Variants in QSOX1 observed in about 807,000 individuals in gnomAD.
The protein encoded by QSOX1 is quiescin sulfhydryl oxidase 1.
A neutral mutation model predicts 76.1 loss-of-function variants in QSOX1; 40 were observed. That is an observed-to-expected ratio of 0.53 (90% CI 0.41 to 0.68). The LOEUF is 0.68. QSOX1 is among the 30% of genes least tolerant of loss of function. QSOX1 has a pLI of 0.00. For synonymous variants in QSOX1, 392 were observed against 413.1 expected, an observed-to-expected ratio of 0.95 and a Z score of 0.62; for missense variants, 931 against 974.3, an observed-to-expected ratio of 0.96 and a Z score of 0.59.
rs1239572221 is a variant in QSOX1, at chr1:180,203,394, A to G, written c.*6357A>G. The G allele has an allele frequency of 2.0e-5, 3 of 152,238 alleles. No individual in the cohort carries two copies. 9.4% of individuals were successfully genotyped at this position (152,238 alleles called of 1,614,324 possible). A position where few individuals can be genotyped will look rare whatever the true frequency, so the allele number is the denominator to read the frequency against. On this transcript the variant is annotated 3_prime_UTR_variant, in exon 12 of 12. Coordinates refer to ENST00000367602, the MANE Select transcript of QSOX1 (RefSeq NM_002826.5). ...TCAGGGCTTGGACTAGAGCAAGGCA[A>G]GTGAGGTGCCAGGATGCAAAAGTTA...
intron 5 of QSOX1, among the ~76,000 whole-genome samples, chr1:180,179,757 T>C (rs1662984792): frequency 6.6e-6 from 1 of 152,204 alleles, no homozygotes; most frequent in Non-Finnish European, 1.5e-5. Flanking sequence ...ATTTTCCTGC[T>C]GAAACTCAAC....
intron 11 of QSOX1, among the ~76,000 whole-genome samples, chr1:180,194,995 C>CTGG (rs772916868): frequency 3.8e-5 from 5 of 133,164 alleles, no homozygotes; most frequent in South Asian, 2.8e-4. Flanking sequence ...TGACAGCCTC[C>CTGG]CGGGGGGGGG....
At chr1:180,189,818 A>T in intron 9 of QSOX1, 144 bp downstream of exon 9, 5 of 866,822 alleles carry the variant, frequency 5.8e-6, no homozygotes, top group Non-Finnish European at 8.5e-6. Context: ...TAATCAATAA[A>T]TGACTATTGA....
chr1:180,163,133 CAA>C (rs35476222), intron 1 of QSOX1, among the ~76,000 whole-genome samples: 2 of 140,240 alleles, frequency 1.4e-5, no homozygotes, highest in African/African-American at 2.6e-5. Flanking sequence ...TAAGGCTCAT[CAA>C]AAAAAAAAAA....
chr1:180,186,501 C>G (rs1178468450), intron 8 of QSOX1, among the ~76,000 whole-genome samples: 1 of 152,232 alleles, frequency 6.6e-6, no homozygotes, highest in African/African-American at 2.4e-5. Flanking sequence ...TCAGTCAGAG[C>G]CCCAGTGTGG....
chr1:180,188,411 G>C (rs144915406), intron 8 of QSOX1, among the ~76,000 whole-genome samples: 30 of 152,362 alleles, frequency 2.0e-4, no homozygotes, highest in African/African-American at 7.0e-4. Flanking sequence ...CAGTTGTCCA[G>C]AGCTCCTTAA....
intron 5 of QSOX1, 21 bp from the exon 6 acceptor site, chr1:180,182,153 G>C (rs752154641): frequency 1.2e-6 from 2 of 1,612,942 alleles, no homozygotes; most frequent in Admixed American, 3.3e-5. Flanking sequence ...CTGGCCCCCA[G>C]ATGTTCTGCT....
At chr1:180,155,980 A>G (rs1453704137) in intron 1 of QSOX1, among the ~76,000 whole-genome samples, 1 of 152,208 alleles carries the variant, frequency 6.6e-6, no homozygotes. Flanking sequence ...CACACTGTTC[A>G]TTTTATGACA....
chr1:180,192,432 G>GC (rs1447592333), intron 10 of QSOX1, among the ~76,000 whole-genome samples: 1 of 152,246 alleles, frequency 6.6e-6, no homozygotes, highest in African/African-American at 2.4e-5. Context: ...TGCAGGCAGG[G>GC]GGAGGCAGGG....
At chr1:180,173,752 G>A (rs761425842) in intron 2 of QSOX1, among the ~76,000 whole-genome samples, 1 of 152,190 alleles carries the variant, frequency 6.6e-6, no homozygotes, top group Non-Finnish European at 1.5e-5. Context: ...AAGGAGGGAA[G>A]GGGATGCTGG....
At chr1:180,155,514 C>T (rs564238477) in intron 1 of QSOX1, among the ~76,000 whole-genome samples, 1 of 152,306 alleles carries the variant, frequency 6.6e-6, no homozygotes, top group African/African-American at 2.4e-5. Flanking sequence ...GGTCCGCTGA[C>T]ACCTTACCGT....
chr1:180,161,534 G>A (rs1370159948), intron 1 of QSOX1, among the ~76,000 whole-genome samples: 3 of 152,176 alleles, frequency 2.0e-5, no homozygotes, highest in African/African-American at 7.2e-5. Context: ...GCAAATAACA[G>A]TATTGCCATA....
rs1234497818 is a variant in QSOX1, at chr1:180,154,996, C to T, written c.89C>T (p.Ala30Val). 1.3e-6 allele frequency: 2 copies of T among 1,510,084 alleles called. No individual in the cohort carries two copies. The highest frequency in any genetic ancestry group is 2.0e-5 in the Admixed American group (1 of 48,786). 93.5% of individuals were successfully genotyped at this position (1,510,084 alleles called of 1,614,324 possible). The change falls in exon 1 of 12, where the codon GCC becomes GTC. Residue 30 changes from alanine to valine, a missense_variant. Transcript: ENST00000367602. ...CTCGCGGTTCCCGGCGCTAACGCGG[C>T]CCCGCGGTCGGCGCTCTATTCGCCT... is the stretch of plus-strand genomic sequence containing the variant. Reference protein sequence around the residue: ...WLLAVPGANAAPRSALYSPSD... With the variant: ...WLLAVPGANAVPRSALYSPSD...
Position 180,194,997 on chromosome 1 carries a change from G to GC in QSOX1, c.1468+605_1468+606insC, listed in dbSNP as rs1553275525. Among the ~76,000 whole-genome samples, 11 of 137,810 alleles carry GC rather than the reference G, an allele frequency of 8.0e-5. No homozygotes were observed. The East Asian group carries it at 9.1e-4, about 11-fold the overall frequency. The allele number at this position is 137,810 out of a possible 152,430, so 90.4% of individuals were successfully genotyped here. A position where few individuals can be genotyped will look rare whatever the true frequency, so the allele number is the denominator to read the frequency against. The stretch of plus-strand genomic sequence containing the variant: ...GTGCACGTGGCTGTGACAGCCTCCC[G>GC]GGGGGGGGAGACCAGGGCGGAGCCG... On this transcript the variant is annotated intron_variant, in intron 11 of 11. Transcript: ENST00000367602.
At chr1:180,156,237 T>C (rs3767193) in intron 1 of QSOX1, among the ~76,000 whole-genome samples, 71,355 of 152,072 alleles carry the variant, frequency 0.47, 19,062 homozygotes, top group African/African-American at 0.75. Context: ...ATCCACCTAA[T>C]CCAGGTAGTG....
At chr1:180,159,720 G>C (rs1298019956) in intron 1 of QSOX1, among the ~76,000 whole-genome samples, 2 of 152,200 alleles carry the variant, frequency 1.3e-5, no homozygotes, top group African/African-American at 2.4e-5. Context: ...ACTCTCTCCT[G>C]ATCTTGGAAG....
chr1:180,186,276 C>A, intron 8 of QSOX1, 94 bp downstream of exon 8: 1 of 1,505,794 alleles, frequency 6.6e-7, no homozygotes, highest in Non-Finnish European at 8.9e-7. Flanking sequence ...CCCCTCCCTC[C>A]AGAAGCCCAT....
At chr1:180,191,038 T>C (rs1663295960) in intron 10 of QSOX1, among the ~76,000 whole-genome samples, 1 of 152,204 alleles carries the variant, frequency 6.6e-6, no homozygotes, top group Non-Finnish European at 1.5e-5. Context: ...CTGGGGGAAG[T>C]TGGGGAAACA....
intron 8 of QSOX1, among the ~76,000 whole-genome samples, chr1:180,188,030 A>G (rs1663216855): frequency 6.6e-6 from 1 of 152,166 alleles, no homozygotes; most frequent in Non-Finnish European, 1.5e-5. Context: ...AGAAGATTCC[A>G]CAGCATGGCT....
Sources: allele counts gnomAD v4.1 joint callset (sites outside exome capture counted in the v4.1 genomes callset), GRCh38; gene constraint gnomAD v4.1.1; transcripts MANE v1.5; gene names NCBI Gene and HGNC (gene_info 2026-07-23, HGNC 2026-07-21).